The following TSPAN11 variants were observed in gnomAD, a reference collection of about 807,000 sequenced individuals.
TSPAN11 encodes tetraspanin-11.
In TSPAN11, 29 loss-of-function variants were observed where a neutral mutation model predicts 32.9. The ratio of observed to expected loss-of-function variants is 0.88; its 90% CI spans 0.66 to 1.20. TSPAN11 has a LOEUF of 1.20. TSPAN11 is among the 50% of genes most tolerant of loss of function. TSPAN11 has a pLI of 0.00. For missense variants in TSPAN11, 283 were observed against 329.1 expected (o/e 0.86, Z 1.08); for synonymous variants, 140 against 141.3 (o/e 0.99, Z 0.07).
At chr12:30,972,248 CA>C (rs1938866747) in intron 3 of TSPAN11, among the ~76,000 whole-genome samples, 1 of 152,058 alleles carries the variant, frequency 6.6e-6, no homozygotes, top group South Asian at 2.1e-4. Flanking sequence ...CAGGTCACAC[CA>C]AGGGCACAGG....
chr12:30,982,650 G>A lies in TSPAN11; in HGVS notation c.575G>A (p.Cys192Tyr), dbSNP rs143882660. 8.3e-5 allele frequency: 134 copies of A among 1,604,830 alleles called. No homozygotes were observed. The African/African-American group carries it at 1.6e-3, about 19-fold the overall frequency. Residue 192 changes from cysteine (C) to tyrosine (Y), a missense_variant, in exon 6 of 8, where the codon TGC becomes TAC. Transcript: ENST00000546076. ...DSCCKTVVVR[C>Y]GQRAHPSNIY... is the part of the protein sequence containing the mutation. ...TGCTGCAAGACAGTGGTGGTGCGCT[G>A]CGGCCAGCGGGCCCACCCCTCCAAC...
rs1411463391 is a variant in TSPAN11 at position 30,953,980 on chromosome 12, G to A, written c.-11-1G>A. 6.2e-7 allele frequency: 1 copy of A among 1,611,838 alleles called. No individual in the cohort carries two copies. The highest frequency in any genetic ancestry group is 8.5e-7 in the Non-Finnish European group (1 of 1,178,876). On this transcript the variant is annotated splice_acceptor_variant, in intron 1 of 7. Transcript: ENST00000546076. LOFTEE classifies it low-confidence loss of function (5UTR_SPLICE). ...GCCCAGCATATGTGTCTTCTCTGCAGGCCCAGAAGCCATGGCCCACTATAA... is the reference window on the plus strand; with the variant it reads ...GCCCAGCATATGTGTCTTCTCTGCAAGCCCAGAAGCCATGGCCCACTATAA...
chr12:30,981,047 G>T (rs548058012), intron 5 of TSPAN11, among the ~76,000 whole-genome samples: 3 of 152,222 alleles, frequency 2.0e-5, no homozygotes, highest in Non-Finnish European at 4.4e-5. Context: ...GGCGGGGTTT[G>T]CTTAAGTGAA....
intron 5 of TSPAN11, 49 bp from the exon 6 acceptor site, chr12:30,982,483 C>A (rs2075332): frequency 0.12 from 182,178 of 1,574,816 alleles, 11,369 homozygotes; most frequent in East Asian, 0.22. Context: ...AGCCTGGGAC[C>A]CTACGCAGGC....
intron 3 of TSPAN11, among the ~76,000 whole-genome samples, chr12:30,972,565 G>A (rs1363590997): frequency 1.3e-5 from 2 of 152,142 alleles, no homozygotes; most frequent in African/African-American, 2.4e-5. Context: ...TGGAGGCTTC[G>A]TTGTGCACGG....
chr12:31,002,357 C>T, the TSPAN11 span, among the ~76,000 whole-genome samples: 24 of 152,310 alleles, frequency 1.6e-4, no homozygotes, highest in Admixed American at 2.6e-4. This position sits in a 1 kb window ranked among gnomAD's most constrained non-coding sequence, Gnocchi z 4.8. Flanking sequence ...CATGCACACT[C>T]GTTCTTTATG....
At chr12:30,987,582 G>A (rs1414289333) in intron 7 of TSPAN11, among the ~76,000 whole-genome samples, 1 of 152,072 alleles carries the variant, frequency 6.6e-6, no homozygotes, top group East Asian at 1.9e-4. Context: ...ACTCCAGGGC[G>A]ACAGAGTGAG....
intron 7 of TSPAN11, among the ~76,000 whole-genome samples, chr12:30,991,345 T>C (rs2140314655): frequency 6.6e-6 from 1 of 152,108 alleles, no homozygotes; most frequent in South Asian, 2.1e-4. Flanking sequence ...TGGACCTGAG[T>C]TTTGCTCTAG....
In TSPAN11 at chr12:30,992,185, C is replaced by T; in HGVS notation, c.*270C>T. On this transcript the variant is annotated 3_prime_UTR_variant, in exon 8 of 8. Coordinates refer to ENST00000546076, the MANE Select transcript of TSPAN11 (RefSeq NM_001370302.1). ...CTTTCAGGAGACAACCAGAGCCCCT[C>T]ACCAGGAACGGGGGCACCCGTGGAC... 3.7e-6 allele frequency: 2 copies of T among 539,072 alleles called. No homozygotes were observed. The highest frequency in any genetic ancestry group is 6.7e-6 in the Non-Finnish European group (2 of 299,724). 33.4% of individuals were successfully genotyped at this position (539,072 alleles called of 1,614,324 possible).
Position 30,983,069 on chromosome 12 carries a change from C to G in TSPAN11, c.621C>G (p.Gly207=). ...CACCTGCCCTTCTCTTACAGGGAGG[C>G]TGCCTCACCAAGCTGGAGCAGTTCC... ...HPSNIYKVEG[G]CLTKLEQFLA... Residue 207 remains glycine, a synonymous_variant, in exon 7 of 8, where the codon GGC becomes GGG. Coordinates refer to ENST00000546076, the MANE Select transcript of TSPAN11 (RefSeq NM_001370302.1). 2 of 1,612,624 alleles carry G rather than the reference C, an allele frequency of 1.2e-6. No homozygotes were observed. The highest frequency in any genetic ancestry group is 1.7e-6 in the Non-Finnish European group (2 of 1,179,962).
chr12:30,975,112 T>C lies in TSPAN11; in HGVS notation c.277-3449T>C, dbSNP rs1938938978. Among the ~76,000 whole-genome samples, 1 of 152,176 alleles carries C rather than the reference T, an allele frequency of 6.6e-6. No homozygotes were observed. Among genetic ancestry groups the C allele is most frequent in the African/African-American group, 2.4e-5 (1 of 41,444 alleles). On this transcript the variant is annotated intron_variant, in intron 3 of 7. Transcript: ENST00000546076. This position sits in a 1 kb window ranked among gnomAD's most constrained non-coding sequence, Gnocchi z 4.5. Reference sequence around the variant, plus strand: ...TGTGTGCAGCAACACCAGGAACACTTTTCAGCTTTGCACACAGAGCCAGCG... The same window carrying C: ...TGTGTGCAGCAACACCAGGAACACTCTTCAGCTTTGCACACAGAGCCAGCG...
At chr12:30,987,225 G>A (rs142054597) in intron 7 of TSPAN11, among the ~76,000 whole-genome samples, 8 of 152,206 alleles carry the variant, frequency 5.3e-5, no homozygotes, top group Non-Finnish European at 1.0e-4. Flanking sequence ...GAGTCAGGGT[G>A]TGGGAGGTGC....
intron 4 of TSPAN11, among the ~76,000 whole-genome samples, 175 bp from the exon 5 acceptor site, chr12:30,979,391 T>C (rs184822977): frequency 3.3e-5 from 5 of 152,186 alleles, no homozygotes; most frequent in Admixed American, 2.0e-4. Context: ...TCCATAGCCA[T>C]CTTCTACACT....
intron 7 of TSPAN11, among the ~76,000 whole-genome samples, chr12:30,988,996 C>T (rs976841332): frequency 6.6e-6 from 1 of 152,232 alleles, no homozygotes; most frequent in Non-Finnish European, 1.5e-5. Flanking sequence ...CCTTTTCCTG[C>T]AGCCCTCCTC....
intron 1 of TSPAN11, among the ~76,000 whole-genome samples, chr12:30,949,626 T>G (rs565125209): frequency 2.8e-4 from 42 of 152,242 alleles, no homozygotes; most frequent in Non-Finnish European, 4.9e-4. Flanking sequence ...ACATGGGAAT[T>G]CTGGGAGATA....
At chr12:30,966,009 A>AT (rs945072878) in intron 3 of TSPAN11, among the ~76,000 whole-genome samples, 2 of 133,778 alleles carry the variant, frequency 1.5e-5, no homozygotes, top group Non-Finnish European at 1.6e-5. Context: ...ACATTATGAG[A>AT]TTTTTTTTGT....
the TSPAN11 span, among the ~76,000 whole-genome samples, chr12:31,011,513 A>G: frequency 6.6e-6 from 1 of 152,188 alleles, no homozygotes; most frequent in East Asian, 1.9e-4. Flanking sequence ...ATCAAAAATT[A>G]CACTAGAGGC....
chr12:30,987,731 G>A (rs1939227787), intron 7 of TSPAN11, among the ~76,000 whole-genome samples: 2 of 152,218 alleles, frequency 1.3e-5, no homozygotes, highest in Non-Finnish European at 2.9e-5. Context: ...GCCAGATGCA[G>A]AGGGAGTGGC....
chr12:30,985,591 G>A (rs1315846943), intron 7 of TSPAN11, among the ~76,000 whole-genome samples: 1 of 152,152 alleles, frequency 6.6e-6, no homozygotes, highest in African/African-American at 2.4e-5. Context: ...GCACAGAGCA[G>A]TTGAACTCTC....
Sources: gnomAD v4.1 joint callset for allele counts (sites outside exome capture counted in the v4.1 genomes callset) on GRCh38, gnomAD v4.1.1 for gene constraint, Gnocchi (gnomAD v3.1) non-coding constraint, MANE v1.5 for transcripts, NCBI Gene and HGNC (gene_info 2026-07-23, HGNC 2026-07-21) for gene names.